BACH2: variants seen among roughly 807,000 people sequenced by gnomAD.
BACH2 encodes the protein transcription regulator protein BACH2.
A neutral mutation model predicts 61.8 loss-of-function variants in BACH2; 5 were observed. That is an observed-to-expected ratio of 0.08 (90% confidence interval 0.04 to 0.17). The LOEUF (loss-of-function observed/expected upper bound fraction) is 0.17. Among genes scored for constraint, BACH2 ranks in the 10% least tolerant of loss-of-function variants. The pLI, the probability that BACH2 is intolerant of heterozygous loss-of-function variation, is 1.00. For missense variants in BACH2, 824 were observed against 1,091.1 expected, an observed-to-expected ratio of 0.76 and a Z score of 3.45; for synonymous variants, 446 against 440.1, an observed-to-expected ratio of 1.01 and a Z score of -0.17.
At chr6:90,258,509 C>G (rs1771055809) in intron 2 of BACH2, among the ~76,000 whole-genome samples, 1 of 152,026 alleles carries the variant, frequency 6.6e-6, no homozygotes, top group Non-Finnish European at 1.5e-5. Flanking sequence ...ATACCTCCAA[C>G]TTTGTTTTGC....
chr6:90,164,847 T>C (rs1166285551), intron 4 of BACH2, among the ~76,000 whole-genome samples: 2 of 152,328 alleles, frequency 1.3e-5, no homozygotes, highest in Admixed American at 6.5e-5. Context: ...GAAAAGGCCT[T>C]TGACAAAATT....
In BACH2 at chr6:90,007,852, C is replaced by T. The variant is rs970291971; in HGVS notation, c.243+750G>A. Among the ~76,000 whole-genome samples the T allele has an allele frequency of 3.3e-5, 5 of 152,306 alleles. No homozygotes were observed. In the East Asian group the frequency reaches 7.7e-4, roughly 24 times the overall value. On this transcript the variant is annotated intron_variant, in intron 6 of 8. Transcript: ENST00000257749. The stretch of plus-strand genomic sequence containing the variant: ...CACAGGGAATGATTCTGCCCGAACA[C>T]AAAGTATTATCCTTAGTCCCATAGG...
At chr6:90,051,436 C>T (rs1286140723) in intron 5 of BACH2, among the ~76,000 whole-genome samples, 1 of 152,196 alleles carries the variant, frequency 6.6e-6, no homozygotes, top group African/African-American at 2.4e-5. Flanking sequence ...TTTATAGGAA[C>T]AGAGCTCTAT....
intron 5 of BACH2, among the ~76,000 whole-genome samples, chr6:90,061,715 C>G (rs1195728166): frequency 6.6e-6 from 1 of 152,018 alleles, no homozygotes; most frequent in African/African-American, 2.4e-5. Flanking sequence ...AAAAAAAAAT[C>G]CACGAGAGGA....
chr6:89,945,160 C>G (rs911276611), intron 7 of BACH2, among the ~76,000 whole-genome samples: 8 of 152,194 alleles, frequency 5.3e-5, no homozygotes, highest in African/African-American at 1.9e-4. Context: ...AGCAGTTCCA[C>G]TCCTAGGAAT....
chr6:90,185,781 TTCTG>T, intron 4 of BACH2, among the ~76,000 whole-genome samples: 1 of 152,320 alleles, frequency 6.6e-6, no homozygotes, highest in East Asian at 1.9e-4. Context: ...CATTAGTATC[TTCTG>T]TCTTACACTG....
intron 1 of BACH2, among the ~76,000 whole-genome samples, chr6:90,282,077 C>A (rs745428702): frequency 2.6e-5 from 4 of 152,034 alleles, no homozygotes; most frequent in Non-Finnish European, 4.4e-5. Flanking sequence ...TGTGCTGATT[C>A]GATTCAATGT....
intron 5 of BACH2, among the ~76,000 whole-genome samples, chr6:90,026,119 C>T (rs769345472): frequency 6.6e-6 from 1 of 152,072 alleles, no homozygotes. Flanking sequence ...TAAGAAAAGA[C>T]AACAGATAGT....
At chr6:90,111,976 A>G (rs1783192117) in intron 4 of BACH2, among the ~76,000 whole-genome samples, 1 of 152,222 alleles carries the variant, frequency 6.6e-6, no homozygotes. Context: ...TGCAAAATAT[A>G]CACATGTAAG....
At chr6:89,986,750 T>C (rs1440223227) in intron 6 of BACH2, among the ~76,000 whole-genome samples, 2 of 152,212 alleles carry the variant, frequency 1.3e-5, no homozygotes, top group Non-Finnish European at 2.9e-5. Context: ...ACTCAGAACC[T>C]AGACAGGAAA....
intron 3 of BACH2, among the ~76,000 whole-genome samples, chr6:90,211,588 CTGTGTGTGTGTGTGTGTGTGTGTGTG>C (rs3072674): frequency 4.9e-4 from 70 of 144,040 alleles, no homozygotes; most frequent in Non-Finnish European, 8.8e-4. Flanking sequence ...GTGTCAAGGG[CTGTGTGTGTGTGTGTGTGTGTGTGTG>C]TGTGTGTGTG....
intron 4 of BACH2, among the ~76,000 whole-genome samples, chr6:90,118,163 T>C (rs1783480699): frequency 6.6e-6 from 1 of 152,160 alleles, no homozygotes; most frequent in African/African-American, 2.4e-5. Context: ...AGCAAAGCCG[T>C]CTCCTATGGA....
intron 1 of BACH2, among the ~76,000 whole-genome samples, chr6:90,287,072 A>C (rs1359022950): frequency 6.6e-6 from 1 of 152,244 alleles, no homozygotes; most frequent in Non-Finnish European, 1.5e-5. Flanking sequence ...ACAGTTCCAC[A>C]GACTGGCACT....
At chr6:90,038,782 T>C (rs542278409) in intron 5 of BACH2, among the ~76,000 whole-genome samples, 2 of 152,258 alleles carry the variant, frequency 1.3e-5, no homozygotes, top group East Asian at 1.9e-4. Context: ...CTCACACTTG[T>C]AATCCCAGCA....
In BACH2 at chr6:89,927,979, G is replaced by A. The variant is rs923450407; in HGVS notation, c.*4429C>T. 1 of 152,318 alleles carries A rather than the reference G, an allele frequency of 6.6e-6. No homozygotes were observed. Among genetic ancestry groups the A allele is most frequent in the African/African-American group, 2.4e-5 (1 of 41,436 alleles). The allele number at this position is 152,318 out of a possible 1,614,324, so 9.4% of individuals were successfully genotyped here. A position where few individuals can be genotyped will look rare whatever the true frequency, so the allele number is the denominator to read the frequency against. The stretch of plus-strand genomic sequence containing the variant: ...ACACTTTCAACACACAATGCCTCGT[G>A]CACACAGATTTCCTGTATGAATACC... On this transcript the variant is annotated 3_prime_UTR_variant, in exon 9 of 9. Transcript: ENST00000257749.
Position 90,292,525 on chromosome 6 carries a change from C to T in BACH2, c.-446+3955G>A, listed in dbSNP as rs141546228. 1.1e-3 allele frequency among the ~76,000 whole-genome samples: 172 copies of T among 152,318 alleles called. 1 individual carries two copies. The highest frequency in any genetic ancestry group is 3.8e-3 in the African/African-American group (157 of 41,562). ...GTACTCATGGTATTAAATTATTCGG[C>T]CTTTCATGTCGAATTCTCTGTTAAA... On this transcript the variant is annotated intron_variant, in intron 1 of 8. Coordinates refer to ENST00000257749, the MANE Select transcript of BACH2 (RefSeq NM_021813.4).
Position 89,930,287 on chromosome 6 carries a change from T to C in BACH2, c.*2121A>G, listed in dbSNP as rs1772571900. 7.0e-6 allele frequency: 1 copy of C among 142,106 alleles called. No homozygotes were observed. 8.8% of individuals were successfully genotyped at this position (142,106 alleles called of 1,614,324 possible). On this transcript the variant is annotated 3_prime_UTR_variant, in exon 9 of 9. Transcript: ENST00000257749. ...TGCATGAACTGACAAATTTCTGGCA[T>C]TCATACATATTTAAACATTTAGTGC... is the stretch of plus-strand genomic sequence containing the variant.
chr6:90,205,458 G>A (rs1769111549), intron 4 of BACH2, among the ~76,000 whole-genome samples: 1 of 152,128 alleles, frequency 6.6e-6, no homozygotes, highest in South Asian at 2.1e-4. Context: ...TGGGACATTG[G>A]GCAATAATCT....
intron 5 of BACH2, among the ~76,000 whole-genome samples, chr6:90,057,171 A>C (rs1475741114): frequency 6.6e-6 from 1 of 152,190 alleles, no homozygotes; most frequent in East Asian, 1.9e-4. Context: ...TCAAAAAATG[A>C]ATGAATCCAG....
Sources: gnomAD v4.1 joint callset for allele counts (sites outside exome capture counted in the v4.1 genomes callset) on GRCh38, gnomAD v4.1.1 for gene constraint, MANE v1.5 for transcripts, NCBI Gene and HGNC (gene_info 2026-07-23, HGNC 2026-07-21) for gene names.